Variants in CNTRL observed in about 807,000 individuals in gnomAD.
CNTRL encodes the protein 110 kDa centrosomal protein.
In CNTRL, 233 loss-of-function variants were observed where a neutral mutation model predicts 303.7. The ratio of observed to expected loss-of-function variants is 0.77; its 90% CI spans 0.69 to 0.86. The LOEUF is 0.86. Among genes scored for constraint, CNTRL ranks in the 40% least tolerant of loss-of-function variants. The probability of loss-of-function intolerance (pLI) is 0.00; values close to 1 mark genes in which losing one functional copy is unlikely to be tolerated. For synonymous variants in CNTRL, 900 were observed against 922.2 expected (o/e 0.98, Z 0.44); for missense variants, 2,524 against 2,650.6 (o/e 0.95, Z 1.05).
chr9:121,144,654 T>C (rs1329173917), intron 20 of CNTRL, among the ~76,000 whole-genome samples, 189 bp from the exon 21 acceptor site: 1 of 152,148 alleles, frequency 6.6e-6, no homozygotes, highest in African/African-American at 2.4e-5. Context: ...TGCCGCACCT[T>C]GGGGTTGGGA....
intron 35 of CNTRL, among the ~76,000 whole-genome samples, chr9:121,165,853 T>A (rs2053068689): frequency 6.6e-6 from 1 of 152,214 alleles, no homozygotes; most frequent in Non-Finnish European, 1.5e-5. Context: ...TTTAAACACC[T>A]AACATTAAGT....
intron 7 of CNTRL, among the ~76,000 whole-genome samples, chr9:121,102,769 G>T (rs1299513560): frequency 6.6e-6 from 1 of 152,154 alleles, no homozygotes; most frequent in Non-Finnish European, 1.5e-5. Context: ...CAGACAGAGA[G>T]CAGAATCATG....
rs567316304 is a variant in CNTRL at position 121,096,247 on chromosome 9, G to A, written c.480-175G>A. The stretch of plus-strand genomic sequence containing the variant: ...GTAATAAAAAGTTGGCAGTTTAGCT[G>A]TTCTGGTAAATTTGGCTTTAGCCAC... On this transcript the variant is annotated intron_variant, in intron 5 of 43. Transcript: ENST00000373855. Among the ~76,000 whole-genome samples the A allele has an allele frequency of 3.3e-5, 5 of 152,314 alleles. No individual in the cohort carries two copies. In the East Asian group the frequency reaches 5.8e-4, roughly 18 times the overall value.
At chr9:121,121,451 G>A (rs1012667356) in intron 12 of CNTRL, among the ~76,000 whole-genome samples, 1 of 152,206 alleles carries the variant, frequency 6.6e-6, no homozygotes, top group African/African-American at 2.4e-5. Context: ...TCAGAACTAA[G>A]CCTAGGCAGG....
At chr9:121,088,633 C>T (rs2048440872) in intron 3 of CNTRL, 90 bp downstream of exon 3, 1 of 702,018 alleles carries the variant, frequency 1.4e-6, no homozygotes, top group East Asian at 2.6e-5. Flanking sequence ...CCAACTGTAA[C>T]ATTCTGGTAC....
At chr9:121,158,621 A>G (rs1461808702) in intron 30 of CNTRL, 7 of 433,714 alleles carry the variant, frequency 1.6e-5, no homozygotes, top group African/African-American at 4.0e-5. Context: ...AGGGATGATC[A>G]TGATTATCAT....
chr9:121,111,824 T>G (rs983171515), intron 8 of CNTRL, among the ~76,000 whole-genome samples: 10 of 148,750 alleles, frequency 6.7e-5, no homozygotes, highest in African/African-American at 2.0e-4. Context: ...CTCCAAAAAT[T>G]TCTAAGAATA....
chr9:121,144,330 C>T lies in CNTRL; in HGVS notation c.3051+248C>T, dbSNP rs1440495216. Among the ~76,000 whole-genome samples, 3 of 152,176 alleles carry T rather than the reference C, an allele frequency of 2.0e-5. No individual in the cohort carries two copies. In the East Asian group the frequency reaches 5.8e-4, roughly 29 times the overall value. On this transcript the variant is annotated intron_variant, in intron 20 of 43. Transcript: ENST00000373855. ...TCATCAAATAAACATGCTATCCCTACCTTTAAGTGTAAGGATGCTTAGGGA... is the reference window on the plus strand; with the variant it reads ...TCATCAAATAAACATGCTATCCCTATCTTTAAGTGTAAGGATGCTTAGGGA...
chr9:121,158,824 C>T (rs771578546), intron 30 of CNTRL, 31 bp from the exon 31 acceptor site: 3 of 1,609,004 alleles, frequency 1.9e-6, no homozygotes, highest in Non-Finnish European at 2.5e-6. Flanking sequence ...TGGCCTTTGT[C>T]AAACTTACTC....
At chr9:121,134,609 T>C (rs1353657089) in intron 14 of CNTRL, among the ~76,000 whole-genome samples, 4 of 152,222 alleles carry the variant, frequency 2.6e-5, no homozygotes, top group Non-Finnish European at 5.9e-5. Flanking sequence ...GGTCCTCTAA[T>C]ATCTGAACCA....
intron 14 of CNTRL, among the ~76,000 whole-genome samples, chr9:121,131,093 A>G (rs577779528): frequency 5.3e-5 from 8 of 152,360 alleles, no homozygotes; most frequent in African/African-American, 1.4e-4. Context: ...GGTGCTGAGA[A>G]GAATGTATAT....
chr9:121,133,469 C>T (rs982645429), intron 14 of CNTRL, among the ~76,000 whole-genome samples: 2 of 152,238 alleles, frequency 1.3e-5, no homozygotes, highest in Non-Finnish European at 2.9e-5. Context: ...GATATGATCT[C>T]CTGGTGTGCT....
intron 42 of CNTRL, 46 bp from the exon 43 acceptor site, chr9:121,174,972 G>A (rs1200132633): frequency 6.4e-7 from 1 of 1,553,350 alleles, no homozygotes; most frequent in Non-Finnish European, 8.9e-7. Flanking sequence ...GGCAGTTCTG[G>A]TACATTTCTT....
chr9:121,081,076 G>C (rs1040090292), intron 2 of CNTRL, among the ~76,000 whole-genome samples: 2 of 152,176 alleles, frequency 1.3e-5, no homozygotes, highest in Non-Finnish European at 2.9e-5. Flanking sequence ...TACCTCTCCA[G>C]ATTTCTCTTG....
intron 12 of CNTRL, among the ~76,000 whole-genome samples, chr9:121,122,832 G>A (rs1297000568): frequency 6.6e-6 from 1 of 152,148 alleles, no homozygotes; most frequent in Non-Finnish European, 1.5e-5. Flanking sequence ...TCAGGGTGCG[G>A]GAGGGTGTGT....
In CNTRL at chr9:121,177,568, C is replaced by G; in HGVS notation, c.*382C>G. The G allele has an allele frequency of 4.6e-6, 1 of 219,176 alleles. No homozygotes were observed. The allele number at this position is 219,176 out of a possible 1,614,324, so 13.6% of individuals were successfully genotyped here. On this transcript the variant is annotated 3_prime_UTR_variant, in exon 44 of 44. Transcript: ENST00000373855. ...AGTGTCGAGTTATTTTTGAATTTTG[C>G]TTAAAATCTATTTTTCATATGAAAA...
intron 12 of CNTRL, among the ~76,000 whole-genome samples, chr9:121,119,949 T>C (rs1402811290): frequency 3.3e-5 from 5 of 152,212 alleles, no homozygotes; most frequent in Admixed American, 3.3e-4. Flanking sequence ...CTCTGGAATG[T>C]TTCTTCCTGA....
In CNTRL at chr9:121,152,541, G is replaced by C. The variant is rs1480589273; in HGVS notation, c.4020G>C (p.Arg1340=). The change falls in exon 26 of 44, where the codon CGG becomes CGC. Residue 1340 remains arginine, a synonymous_variant. Transcript: ENST00000373855. ...DIMQHLKSKK[R]EERWMRASKR... is the part of the protein sequence containing the mutation. ...TGCAGCATTTAAAATCAAAGAAGCG[G>C]GAAGAAAGGTGGATGAGAGCATCCA... The C allele has an allele frequency of 6.2e-7, 1 of 1,614,030 alleles. No homozygotes were observed. Among genetic ancestry groups the C allele is most frequent in the Non-Finnish European group, 8.5e-7 (1 of 1,180,000 alleles).
At chr9:121,113,944 G>A (rs183692477) in intron 10 of CNTRL, among the ~76,000 whole-genome samples, 1 of 152,228 alleles carries the variant, frequency 6.6e-6, no homozygotes, top group African/African-American at 2.4e-5. Flanking sequence ...GTAATTTGAT[G>A]GCAGCATGTC....
Sources: allele counts gnomAD v4.1 joint callset (sites outside exome capture counted in the v4.1 genomes callset), GRCh38; gene constraint gnomAD v4.1.1; transcripts MANE v1.5; gene names NCBI Gene and HGNC (gene_info 2026-07-23, HGNC 2026-07-21).